PTPRN2: variants seen among roughly 807,000 people sequenced by gnomAD.
The protein encoded by PTPRN2 is receptor-type tyrosine-protein phosphatase N2.
PTPRN2 carries 74 observed loss-of-function variants against 118.8 expected under a neutral mutation model. The ratio of observed to expected loss-of-function variants is 0.62; its 90% CI spans 0.52 to 0.76. The LOEUF is 0.76. PTPRN2 is among the 30% of genes least tolerant of loss of function. The pLI, the probability that PTPRN2 is intolerant of heterozygous loss-of-function variation, is 0.00. For missense variants in PTPRN2, 1,481 were observed against 1,394.4 expected (o/e 1.06, Z -0.99); for synonymous variants, 641 against 608.0 (o/e 1.05, Z -0.80).
chr7:158,029,049 G>A (rs892271128), intron 11 of PTPRN2: 2 of 152,294 alleles, frequency 1.3e-5, no homozygotes, highest in African/African-American at 2.4e-5. Context: ...GGTGTGACAT[G>A]AGCCACTGAG....
chr7:158,229,208 T>C (rs889831646), intron 3 of PTPRN2, among the ~76,000 whole-genome samples: 1 of 151,896 alleles, frequency 6.6e-6, no homozygotes, highest in South Asian at 2.1e-4. Context: ...GACAGGGACC[T>C]AGAAGGGGGA....
rs1416297807 is a variant in PTPRN2, at chr7:158,067,222, A to G, written c.1723+14076T>C. 4.6e-5 allele frequency among the ~76,000 whole-genome samples: 7 copies of G among 152,334 alleles called. No homozygotes were observed. The East Asian group carries it at 1.4e-3, about 29-fold the overall frequency. On this transcript the variant is annotated intron_variant, in intron 11 of 22. Transcript: ENST00000389418. ...AATGCTGTTGCAATGCTTTTCAGCG[A>G]AGCCTCCTCCTGCACCCAGGGTGTC...
chr7:157,577,381 C>G (rs909714305), intron 18 of PTPRN2, among the ~76,000 whole-genome samples: 2 of 152,226 alleles, frequency 1.3e-5, no homozygotes, highest in Admixed American at 6.5e-5. Flanking sequence ...CTTTGGCATT[C>G]TCACTCATTT....
At chr7:158,286,848 G>A (rs1042837340) in intron 3 of PTPRN2, among the ~76,000 whole-genome samples, 3 of 152,112 alleles carry the variant, frequency 2.0e-5, no homozygotes, top group Non-Finnish European at 2.9e-5. Flanking sequence ...TTGGTATCAC[G>A]GTAGTGCTGA....
chr7:158,385,342 C>T (rs1390236234), intron 2 of PTPRN2, among the ~76,000 whole-genome samples: 2 of 152,138 alleles, frequency 1.3e-5, no homozygotes, highest in Non-Finnish European at 2.9e-5. Flanking sequence ...TGAAGATGTA[C>T]TCTGATGACA....
intron 11 of PTPRN2, among the ~76,000 whole-genome samples, chr7:158,059,761 C>T (rs1458420558): frequency 5.3e-5 from 7 of 131,870 alleles, no homozygotes; most frequent in African/African-American, 1.2e-4. Flanking sequence ...CATCTGCCCA[C>T]GGTGACGCAT....
At chr7:158,336,468 C>A (rs1805555508) in intron 2 of PTPRN2, among the ~76,000 whole-genome samples, 1 of 131,452 alleles carries the variant, frequency 7.6e-6, no homozygotes, top group Non-Finnish European at 1.7e-5. Context: ...CACACCCACA[C>A]TCTCACCATA....
chr7:157,849,040 G>A (rs1038530944), intron 12 of PTPRN2, among the ~76,000 whole-genome samples: 6 of 152,208 alleles, frequency 3.9e-5, no homozygotes, highest in South Asian at 4.1e-4. Flanking sequence ...TTGGGATGAC[G>A]TCTGCGGAGC....
chr7:158,338,663 C>G (rs1806150879), intron 2 of PTPRN2, among the ~76,000 whole-genome samples: 1 of 28,000 alleles, frequency 3.6e-5, no homozygotes. Context: ...CTGCAGACGT[C>G]ACTCACGTAC....
intron 2 of PTPRN2, among the ~76,000 whole-genome samples, chr7:158,326,942 C>T (rs1185744866): frequency 6.6e-6 from 1 of 151,772 alleles, no homozygotes; most frequent in Non-Finnish European, 1.5e-5. Flanking sequence ...CACACATACA[C>T]ATTTTCACAC....
chr7:157,556,592 C>T (rs1488626002), intron 21 of PTPRN2, among the ~76,000 whole-genome samples: 2 of 151,684 alleles, frequency 1.3e-5, no homozygotes, highest in Non-Finnish European at 2.9e-5. Flanking sequence ...TTCATGCACA[C>T]ATCCAAACAC....
At chr7:157,896,302 A>G (rs1229863596) in intron 12 of PTPRN2, among the ~76,000 whole-genome samples, 4 of 152,142 alleles carry the variant, frequency 2.6e-5, no homozygotes, top group African/African-American at 9.7e-5. Flanking sequence ...GAGTGCCTGG[A>G]CATTACAAGT....
At chr7:157,853,921 C>T (rs933276561) in intron 12 of PTPRN2, among the ~76,000 whole-genome samples, 19 of 152,138 alleles carry the variant, frequency 1.2e-4, no homozygotes, top group Admixed American at 7.9e-4. Context: ...GGCGGAGATG[C>T]GGACACGGGG....
chr7:158,149,606 C>G (rs1412637213), intron 6 of PTPRN2, among the ~76,000 whole-genome samples: 2 of 152,070 alleles, frequency 1.3e-5, no homozygotes, highest in African/African-American at 4.8e-5. Context: ...AGTTCGAGAC[C>G]AGCCTGGCCA....
intron 12 of PTPRN2, among the ~76,000 whole-genome samples, chr7:157,760,309 G>A (rs1367728399): frequency 6.6e-6 from 1 of 151,748 alleles, no homozygotes; most frequent in Non-Finnish European, 1.5e-5. Context: ...ATGGGACAGC[G>A]ATTTGTGCTT....
At chr7:158,329,521 A>G (rs2151143456) in intron 2 of PTPRN2, among the ~76,000 whole-genome samples, 2 of 152,260 alleles carry the variant, frequency 1.3e-5, no homozygotes, top group South Asian at 4.1e-4. Context: ...CCACATGAGG[A>G]CACGTGAGGA....
chr7:157,850,664 T>A (rs1009565830), intron 12 of PTPRN2, among the ~76,000 whole-genome samples: 1 of 152,192 alleles, frequency 6.6e-6, no homozygotes, highest in South Asian at 2.1e-4. Flanking sequence ...TCCTGGACCC[T>A]CCAATTCCTT....
chr7:157,642,301 C>A (rs1399314879), intron 14 of PTPRN2, among the ~76,000 whole-genome samples: 5 of 152,236 alleles, frequency 3.3e-5, no homozygotes, highest in Non-Finnish European at 7.3e-5. Context: ...AAGCAGAGCC[C>A]ACCTGACGCC....
At position 158,565,795 on chromosome 7, in the gene PTPRN2, C is replaced by T. The variant is rs114836637; in HGVS notation, c.112+21763G>A. ...ACCCGCACGTCTAGAGACTGTCCCA[C>T]ATCTCCAAACACAGATCTGCCTATT... is the stretch of plus-strand genomic sequence containing the variant. On this transcript the variant is annotated intron_variant, in intron 1 of 22. Transcript: ENST00000389418. The surrounding 1 kb of genome is among the most constrained non-coding windows in gnomAD (Gnocchi z 4.6). 2.7e-3 allele frequency among the ~76,000 whole-genome samples: 414 copies of T among 152,332 alleles called. 3 individuals are homozygous for T. Among genetic ancestry groups the T allele is most frequent in the African/African-American group, 9.4e-3 (390 of 41,562 alleles).
Sources: allele counts gnomAD v4.1 joint callset (sites outside exome capture counted in the v4.1 genomes callset), GRCh38; gene constraint gnomAD v4.1.1; non-coding constraint Gnocchi (gnomAD v3.1); transcripts MANE v1.5; gene names NCBI Gene and HGNC (gene_info 2026-07-23, HGNC 2026-07-21).